The following FER variants were observed in gnomAD, a reference collection of about 807,000 sequenced individuals.
The protein encoded by FER is tyrosine-protein kinase Fer.
A neutral mutation model predicts 111.0 loss-of-function variants in FER; 63 were observed. The ratio of observed to expected loss-of-function variants is 0.57; its 90% CI spans 0.46 to 0.70. The LOEUF is 0.70. Among genes scored for constraint, FER ranks in the 30% least tolerant of loss-of-function variants. FER has a pLI of 0.00. For synonymous variants in FER, 327 were observed against 313.9 expected (o/e 1.04, Z -0.44); for missense variants, 914 against 954.0 (o/e 0.96, Z 0.55).
intron 13 of FER, among the ~76,000 whole-genome samples, chr5:109,002,812 A>G (rs1368467050): frequency 1.3e-5 from 2 of 152,360 alleles, no homozygotes; most frequent in East Asian, 3.9e-4. Context: ...AAGGATATGA[A>G]CAGACACTTC....
At chr5:108,971,296 A>AC (rs1013581137) in intron 13 of FER, among the ~76,000 whole-genome samples, 1 of 147,776 alleles carries the variant, frequency 6.8e-6, no homozygotes, top group African/African-American at 2.5e-5. Flanking sequence ...AAAAAAAAAA[A>AC]CCCAGAAAGA....
At chr5:108,758,254 C>T (rs1056252236) in intron 1 of FER, among the ~76,000 whole-genome samples, 7 of 152,096 alleles carry the variant, frequency 4.6e-5, no homozygotes, top group African/African-American at 1.4e-4. Flanking sequence ...AGAGAGGTTT[C>T]GGACTGTTTT....
chr5:108,859,407 T>C (rs1439666193), intron 5 of FER, among the ~76,000 whole-genome samples: 1 of 152,176 alleles, frequency 6.6e-6, no homozygotes, highest in African/African-American at 2.4e-5. Context: ...TTGGTCTTCG[T>C]AAAGGCTTGC....
rs1197181764 is a variant in FER at position 109,098,992 on chromosome 5, TA to T, written c.1925-1403del. ...AAAAGCCACTAAGTCTTCACCTCTA[TA>T]GCTTTTCTACTTAAGAAAGCATAGA... On this transcript the variant is annotated intron_variant, in intron 16 of 19. Coordinates refer to ENST00000281092, the MANE Select transcript of FER (RefSeq NM_005246.4). 9.2e-5 allele frequency among the ~76,000 whole-genome samples: 14 copies of T among 151,722 alleles called. 1 individual carries two copies. The highest frequency in any genetic ancestry group is 3.4e-4 in the African/African-American group (14 of 41,508).
At chr5:108,908,832 A>C (rs1215526716) in intron 10 of FER, among the ~76,000 whole-genome samples, 1 of 152,170 alleles carries the variant, frequency 6.6e-6, no homozygotes, top group African/African-American at 2.4e-5. Context: ...TGAGCTCAGA[A>C]GTTCTAGACT....
chr5:109,034,870 G>A (rs1770147874), intron 13 of FER, among the ~76,000 whole-genome samples: 1 of 151,884 alleles, frequency 6.6e-6, no homozygotes, highest in Non-Finnish European at 1.5e-5. Flanking sequence ...CTTATATATA[G>A]GGTTTGGGGT....
chr5:108,863,648 G>A (rs899478995), intron 5 of FER, among the ~76,000 whole-genome samples: 1 of 152,090 alleles, frequency 6.6e-6, no homozygotes, highest in African/African-American at 2.4e-5. Context: ...GTCATGCAGA[G>A]TGAGATAAAT....
At chr5:108,996,610 G>T (rs188012880) in intron 13 of FER, among the ~76,000 whole-genome samples, 1 of 152,026 alleles carries the variant, frequency 6.6e-6, no homozygotes, top group Non-Finnish European at 1.5e-5. Context: ...ATTCTGTTCC[G>T]TTGGTCTGTA....
chr5:108,774,740 G>GTT (rs200103724), intron 2 of FER, among the ~76,000 whole-genome samples: 2 of 147,758 alleles, frequency 1.4e-5, no homozygotes, highest in East Asian at 2.0e-4. Flanking sequence ...TTTTAGAAGG[G>GTT]TTTTTTTTTT....
intron 16 of FER, among the ~76,000 whole-genome samples, 198 bp downstream of exon 16, chr5:109,047,396 CT>C (rs1408137499): frequency 6.6e-6 from 1 of 152,112 alleles, no homozygotes; most frequent in Admixed American, 6.5e-5. Context: ...AAAATGTCAA[CT>C]GCTTTTTTAA....
chr5:108,840,833 A>T (rs930418137), intron 5 of FER, among the ~76,000 whole-genome samples: 1 of 152,154 alleles, frequency 6.6e-6, no homozygotes, highest in African/African-American at 2.4e-5. Context: ...AGATCTCTCC[A>T]TTGTGAAGGT....
intron 2 of FER, among the ~76,000 whole-genome samples, chr5:108,789,193 A>G (rs1227530344): frequency 1.3e-5 from 2 of 152,142 alleles, no homozygotes; most frequent in African/African-American, 4.8e-5. Context: ...AAACTATTGT[A>G]TTCATGATCT....
At position 109,050,238 on chromosome 5, in the gene FER, T is replaced by C. The variant is rs7707879; in HGVS notation, c.1924+3040T>C. Among the ~76,000 whole-genome samples the C allele has an allele frequency of 2.4e-4, 36 of 152,018 alleles. 1 individual carries two copies. Among genetic ancestry groups the C allele is most frequent in the African/African-American group, 8.4e-4 (35 of 41,450 alleles). On this transcript the variant is annotated intron_variant, in intron 16 of 19. Coordinates refer to ENST00000281092, the MANE Select transcript of FER (RefSeq NM_005246.4). ...AATAAAGAATCATAATTAACAAAAC[T>C]AGTATCCGTAATAGGATACACGGGG...
intron 13 of FER, among the ~76,000 whole-genome samples, chr5:109,008,752 G>A (rs1339651382): frequency 1.3e-5 from 2 of 152,020 alleles, no homozygotes; most frequent in African/African-American, 2.4e-5. Flanking sequence ...AGGCCGAGGC[G>A]GGCAGATCAG....
chr5:109,040,467 A>G (rs371159431), intron 14 of FER, among the ~76,000 whole-genome samples: 3 of 152,276 alleles, frequency 2.0e-5, no homozygotes, highest in African/African-American at 7.2e-5. Context: ...ATACCAAGGA[A>G]GAGAGTGATC....
At chr5:108,876,070 A>G (rs925796262) in intron 8 of FER, among the ~76,000 whole-genome samples, 5 of 152,334 alleles carry the variant, frequency 3.3e-5, no homozygotes, top group Middle Eastern at 3.4e-3. Context: ...AAGAATGGTA[A>G]TTCTTTATGT....
chr5:108,792,784 TAGAAA>T (rs1292922400), intron 2 of FER, among the ~76,000 whole-genome samples: 1 of 151,888 alleles, frequency 6.6e-6, no homozygotes, highest in East Asian at 1.9e-4. Flanking sequence ...TGATGGTATC[TAGAAA>T]TATAATTTAT....
intron 10 of FER, among the ~76,000 whole-genome samples, chr5:108,899,089 A>G (rs1178989748): frequency 1.4e-5 from 2 of 146,310 alleles, no homozygotes; most frequent in East Asian, 3.9e-4. Flanking sequence ...CTCCATAGCA[A>G]AAAAAAAAAA....
At chr5:108,879,015 T>G (rs1300045720) in intron 8 of FER, among the ~76,000 whole-genome samples, 4 of 152,098 alleles carry the variant, frequency 2.6e-5, no homozygotes, top group Admixed American at 6.6e-5. Flanking sequence ...GTTCTTCATA[T>G]GTAAATGGGG....
Sources: allele counts gnomAD v4.1 joint callset (sites outside exome capture counted in the v4.1 genomes callset), GRCh38; gene constraint gnomAD v4.1.1; transcripts MANE v1.5; gene names NCBI Gene and HGNC (gene_info 2026-07-23, HGNC 2026-07-21).